The following PTPRT variants were observed in gnomAD, a reference collection of about 807,000 sequenced individuals.
The protein encoded by PTPRT is receptor-type tyrosine-protein phosphatase T.
PTPRT carries 56 observed loss-of-function variants against 176.8 expected under a neutral mutation model. That is an observed-to-expected ratio of 0.32 (90% confidence interval 0.26 to 0.40). PTPRT has a LOEUF of 0.40. Among genes scored for constraint, PTPRT ranks in the 10% least tolerant of loss-of-function variants. The probability of loss-of-function intolerance (pLI) is 1.00; values close to 1 mark genes in which losing one functional copy is unlikely to be tolerated. For synonymous variants in PTPRT, 783 were observed against 739.0 expected (o/e 1.06, Z -0.96); for missense variants, 1,540 against 1,908.2 (o/e 0.81, Z 3.60).
At chr20:42,543,010 C>A (rs1261767531) in intron 7 of PTPRT, among the ~76,000 whole-genome samples, 1 of 152,180 alleles carries the variant, frequency 6.6e-6, no homozygotes, top group Admixed American at 6.5e-5. Context: ...GAGCCTTCAG[C>A]AAGTTGTAAT....
chr20:42,781,924 A>G (rs1276496012), intron 3 of PTPRT, among the ~76,000 whole-genome samples: 1 of 152,210 alleles, frequency 6.6e-6, no homozygotes, highest in Non-Finnish European at 1.5e-5. Flanking sequence ...AGTCCTGGAA[A>G]AGTTATGTTA....
intron 7 of PTPRT, among the ~76,000 whole-genome samples, chr20:42,631,511 AATAG>A (rs2074404792): frequency 1.3e-5 from 2 of 152,124 alleles, no homozygotes; most frequent in Non-Finnish European, 2.9e-5. Context: ...AGCTATGCAG[AATAG>A]GGGAAGTTAG....
At chr20:42,139,030 T>G (rs566612890) in intron 18 of PTPRT, among the ~76,000 whole-genome samples, 1 of 152,332 alleles carries the variant, frequency 6.6e-6, no homozygotes, top group South Asian at 2.1e-4. Flanking sequence ...GCTTTGCCTT[T>G]GGGAGGGACG....
At chr20:43,134,762 T>G (rs1048967823) in intron 1 of PTPRT, among the ~76,000 whole-genome samples, 3 of 152,282 alleles carry the variant, frequency 2.0e-5, no homozygotes, top group South Asian at 2.1e-4. Flanking sequence ...TAAAGAAAAT[T>G]TGGTGGTATT....
At chr20:42,456,068 G>A (rs1297790493) in intron 8 of PTPRT, among the ~76,000 whole-genome samples, 1 of 151,806 alleles carries the variant, frequency 6.6e-6, no homozygotes, top group Non-Finnish European at 1.5e-5. Context: ...CTTTTATTTA[G>A]GCCTTCCTTA....
intron 9 of PTPRT, among the ~76,000 whole-genome samples, chr20:42,440,336 T>C (rs926348869): frequency 6.6e-6 from 1 of 152,192 alleles, no homozygotes; most frequent in African/African-American, 2.4e-5. Context: ...ATAATCATCA[T>C]TGCCCCTTGC....
chr20:42,216,396 T>C (rs1460680566), intron 15 of PTPRT, among the ~76,000 whole-genome samples: 2 of 152,190 alleles, frequency 1.3e-5, no homozygotes, highest in Non-Finnish European at 2.9e-5. Context: ...TAAAGACCTG[T>C]TGAATTAACA....
chr20:42,291,112 C>A (rs745802594), intron 12 of PTPRT, among the ~76,000 whole-genome samples: 1 of 152,096 alleles, frequency 6.6e-6, no homozygotes, highest in Non-Finnish European at 1.5e-5. Context: ...CTGACCTCAG[C>A]GTCTTTCCAT....
intron 7 of PTPRT, among the ~76,000 whole-genome samples, chr20:42,507,054 G>A (rs906944477): frequency 2.0e-5 from 3 of 152,078 alleles, no homozygotes; most frequent in African/African-American, 7.2e-5. Flanking sequence ...ACCTCATTAT[G>A]CAGGAGTAAA....
intron 1 of PTPRT, among the ~76,000 whole-genome samples, chr20:43,089,546 A>G (rs2011739297): frequency 6.6e-6 from 1 of 152,256 alleles, no homozygotes. Context: ...CAAGTGAGAC[A>G]ATATCATAAA....
intron 7 of PTPRT, among the ~76,000 whole-genome samples, chr20:42,472,935 C>A (rs530019716): frequency 6.6e-6 from 1 of 152,146 alleles, no homozygotes; most frequent in Non-Finnish European, 1.5e-5. Flanking sequence ...CTTATTTAGA[C>A]GGCTGCTGAG....
At chr20:42,538,872 G>A (rs1569908) in intron 7 of PTPRT, among the ~76,000 whole-genome samples, 21,308 of 152,110 alleles carry the variant, frequency 0.14, 1,666 homozygotes, top group South Asian at 0.21. Context: ...TGTTGTTTGT[G>A]CACTGTAATG....
intron 1 of PTPRT, among the ~76,000 whole-genome samples, chr20:42,938,065 G>T (rs2042614025): frequency 6.6e-6 from 1 of 152,074 alleles, no homozygotes; most frequent in South Asian, 2.1e-4. Flanking sequence ...CTTATCAATG[G>T]ATTTCTATCA....
chr20:42,648,250 G>A (rs935966414), intron 7 of PTPRT, among the ~76,000 whole-genome samples: 2 of 151,576 alleles, frequency 1.3e-5, no homozygotes, highest in Admixed American at 6.6e-5. Context: ...TCAATCAAGG[G>A]GTCCTTCACG....
At chr20:42,669,716 A>G (rs1241216098) in intron 7 of PTPRT, among the ~76,000 whole-genome samples, 1 of 151,880 alleles carries the variant, frequency 6.6e-6, no homozygotes, top group Non-Finnish European at 1.5e-5. Flanking sequence ...CTCTGCCTCT[A>G]CTCTGTCCTA....
chr20:42,467,554 T>C (rs2071121008), intron 8 of PTPRT, among the ~76,000 whole-genome samples: 4 of 152,236 alleles, frequency 2.6e-5, no homozygotes, highest in Admixed American at 2.0e-4. Flanking sequence ...GCAAAATTTA[T>C]TAGAGGTTAA....
intron 1 of PTPRT, among the ~76,000 whole-genome samples, chr20:43,028,208 G>A (rs907430725): frequency 9.2e-5 from 14 of 152,044 alleles, no homozygotes; most frequent in African/African-American, 2.7e-4. Context: ...ACTCAGTTAC[G>A]AGCTGCTCTC....
intron 7 of PTPRT, among the ~76,000 whole-genome samples, chr20:42,520,106 C>A (rs1233548471): frequency 2.6e-5 from 4 of 151,998 alleles, no homozygotes; most frequent in Non-Finnish European, 4.4e-5. Context: ...TTATTCTATT[C>A]AAAAATATTG....
intron 8 of PTPRT, among the ~76,000 whole-genome samples, chr20:42,457,162 C>T (rs2070938402): frequency 6.6e-6 from 1 of 152,118 alleles, no homozygotes; most frequent in African/African-American, 2.4e-5. Context: ...CAGTACTGAA[C>T]TTCATACTGT....
Sources: gnomAD v4.1 joint callset for allele counts (sites outside exome capture counted in the v4.1 genomes callset) on GRCh38, gnomAD v4.1.1 for gene constraint, MANE v1.5 for transcripts, NCBI Gene and HGNC (gene_info 2026-07-23, HGNC 2026-07-21) for gene names.